Variants in TNS1 observed in about 807,000 individuals in gnomAD.
TNS1 encodes tensin 1.
In TNS1, 62 loss-of-function variants were observed where a neutral mutation model predicts 168.6. The observed-to-expected ratio is 0.37, with a 90% CI of 0.30 to 0.45. TNS1 has a LOEUF of 0.45. Ranked by LOEUF, TNS1 falls within the 20% of genes least tolerant of loss-of-function variation. TNS1 has a pLI of 1.00. For missense variants in TNS1, 2,240 were observed against 2,339.4 expected, an observed-to-expected ratio of 0.96 and a Z score of 0.88; for synonymous variants, 934 against 933.2, an observed-to-expected ratio of 1.00 and a Z score of -0.02.
At chr2:217,977,717 C>T (rs2126045338) in intron 3 of TNS1, among the ~76,000 whole-genome samples, 1 of 152,344 alleles carries the variant, frequency 6.6e-6, no homozygotes. Context: ...AGGTACATAA[C>T]TTGCCCAAGG....
intron 1 of TNS1, among the ~76,000 whole-genome samples, chr2:217,996,896 G>A (rs1412080471): frequency 6.6e-6 from 1 of 152,066 alleles, no homozygotes; most frequent in Non-Finnish European, 1.5e-5. Flanking sequence ...GAGCCAGCAG[G>A]AGAAGAAGTA....
chr2:218,023,699 G>A (rs889504517), intron 1 of TNS1, among the ~76,000 whole-genome samples: 1 of 152,188 alleles, frequency 6.6e-6, no homozygotes, highest in African/African-American at 2.4e-5. Context: ...TTCCAGATGA[G>A]GAAACGGAGG....
intron 1 of TNS1, among the ~76,000 whole-genome samples, chr2:218,031,272 T>C (rs1958895152): frequency 7.1e-6 from 1 of 140,264 alleles, no homozygotes; most frequent in African/African-American, 3.0e-5. Context: ...GTGTGTTGTG[T>C]GTGAGCGTGT....
chr2:218,013,916 C>T (rs1011101826), upstream of TNS1, among the ~76,000 whole-genome samples: 1 of 152,156 alleles, frequency 6.6e-6, no homozygotes, highest in Non-Finnish European at 1.5e-5. Flanking sequence ...CTTCTCTGGG[C>T]CCTTCTCCCC....
At chr2:217,827,692 C>G (rs1412353000) in intron 22 of TNS1, among the ~76,000 whole-genome samples, 1 of 152,220 alleles carries the variant, frequency 6.6e-6, no homozygotes, top group Non-Finnish European at 1.5e-5. Flanking sequence ...CAACACCACC[C>G]ACAGTGCTGA....
chr2:217,885,146 T>C lies in TNS1; in HGVS notation c.1135A>G (p.Lys379Glu). The C allele has an allele frequency of 6.2e-7, 1 of 1,614,200 alleles. No homozygotes were observed. Among genetic ancestry groups the C allele is most frequent in the South Asian group, 1.1e-5 (1 of 91,084 alleles). The change falls in exon 16 of 33, where the codon AAG becomes GAG. Residue 379 changes from lysine to glutamate, a missense_variant. Lys to Glu is a moderately conservative substitution (Grantham distance 56, BLOSUM62 1). Coordinates refer to ENST00000682258, the MANE Select transcript of TNS1 (RefSeq NM_001387777.1). ...GDILLKCYHK[K>E]FRSPARDVIF... ...ACGTCTCGGGCTGGGCTTCGGAACT[T>C]CTTGTGGTAGCACTTCAGCTGGGTG...
chr2:217,801,169 A>G lies in TNS1; in HGVS notation c.*3290T>C, dbSNP rs1937430229. On this transcript the variant is annotated 3_prime_UTR_variant, in exon 33 of 33. Transcript: ENST00000682258. ...CTTTCCCAAACTTAGGATGTGATGTATCTGTCCCTTAAGCGCCTGGCTAAA... is the reference window on the plus strand; with the variant it reads ...CTTTCCCAAACTTAGGATGTGATGTGTCTGTCCCTTAAGCGCCTGGCTAAA... The G allele has an allele frequency of 6.6e-6, 1 of 152,234 alleles. No homozygotes were observed. Among genetic ancestry groups the G allele is most frequent in the Admixed American group, 6.5e-5 (1 of 15,278 alleles). The allele number at this position is 152,234 out of a possible 1,614,324, so 9.4% of individuals were successfully genotyped here. A position where few individuals can be genotyped will look rare whatever the true frequency, so the allele number is the denominator to read the frequency against.
chr2:217,903,452 C>G (rs1185323904), intron 6 of TNS1: 1 of 1,134,602 alleles, frequency 8.8e-7, no homozygotes. Context: ...CTCTGCCTGC[C>G]TGTAATCCTA....
intron 3 of TNS1, among the ~76,000 whole-genome samples, chr2:217,973,583 C>T (rs188720819): frequency 2.3e-4 from 35 of 152,220 alleles, no homozygotes; most frequent in African/African-American, 8.4e-4. Context: ...CCCCTCTCTC[C>T]AGTGTCTGAT....
At chr2:217,841,178 G>A (rs1945898873) in intron 19 of TNS1, 1 of 977,396 alleles carries the variant, frequency 1.0e-6, no homozygotes, top group Non-Finnish European at 1.2e-6. Flanking sequence ...AAAGGGAGAA[G>A]GGGGAAGGAG....
intron 18 of TNS1, among the ~76,000 whole-genome samples, chr2:217,874,954 G>A (rs542242334): frequency 6.6e-6 from 1 of 152,280 alleles, no homozygotes; most frequent in Admixed American, 6.5e-5. Flanking sequence ...CCTAGAGATT[G>A]GTCTGTTCAA....
intron 4 of TNS1, among the ~76,000 whole-genome samples, chr2:217,917,121 C>T (rs1306911098): frequency 6.6e-6 from 1 of 152,214 alleles, no homozygotes; most frequent in African/African-American, 2.4e-5. Flanking sequence ...TCCCACTCCC[C>T]AGGGACAGTA....
intron 11 of TNS1, 82 bp from the exon 12 acceptor site, chr2:217,891,127 C>T: frequency 7.3e-7 from 1 of 1,364,706 alleles, no homozygotes; most frequent in Non-Finnish European, 1.0e-6. Context: ...CTCCCTCAGA[C>T]CTGCAGAGCA....
intron 22 of TNS1, among the ~76,000 whole-genome samples, chr2:217,827,445 C>T (rs1299031857): frequency 6.6e-6 from 1 of 152,180 alleles, no homozygotes; most frequent in Non-Finnish European, 1.5e-5. Flanking sequence ...CTGACCCGGG[C>T]AGTGGCACAT....
At chr2:217,973,156 C>T (rs758813502) in intron 3 of TNS1, among the ~76,000 whole-genome samples, 1 of 151,836 alleles carries the variant, frequency 6.6e-6, no homozygotes, top group Non-Finnish European at 1.5e-5. Context: ...GAGTTCAAGA[C>T]CAGCCTGAGC....
chr2:217,847,221 C>G (rs1287457597), intron 19 of TNS1, among the ~76,000 whole-genome samples: 1 of 152,230 alleles, frequency 6.6e-6, no homozygotes, highest in African/African-American at 2.4e-5. Context: ...TCACCGTACA[C>G]ATTACTCTCT....
At chr2:217,833,362 T>C (rs1944721130) in intron 21 of TNS1, among the ~76,000 whole-genome samples, 1 of 152,244 alleles carries the variant, frequency 6.6e-6, no homozygotes, top group Non-Finnish European at 1.5e-5. Context: ...GCCAGGCAAG[T>C]CTTTTGCTTC....
intron 18 of TNS1, among the ~76,000 whole-genome samples, chr2:217,851,618 G>A (rs561586433): frequency 1.5e-3 from 233 of 152,254 alleles, no homozygotes; most frequent in African/African-American, 5.3e-3. Context: ...CAGGGCCCAG[G>A]GCCCAGGGCT....
Position 217,804,361 on chromosome 2 carries a change from CA to C in TNS1, c.*97del. On this transcript the variant is annotated 3_prime_UTR_variant, in exon 33 of 33. Transcript: ENST00000682258. ...TTTCTTCTCTCCTCCGAAATTGGCC[CA>C]AAGTCCTCCTTCTGGGTTCAAGAGT... The C allele has an allele frequency of 6.6e-7, 1 of 1,519,142 alleles. No homozygotes were observed. Among genetic ancestry groups the C allele is most frequent in the Non-Finnish European group, 8.9e-7 (1 of 1,124,900 alleles). 94.1% of individuals were successfully genotyped at this position (1,519,142 alleles called of 1,614,324 possible).
Sources: allele counts gnomAD v4.1 joint callset (sites outside exome capture counted in the v4.1 genomes callset), GRCh38; gene constraint gnomAD v4.1.1; transcripts MANE v1.5; gene names NCBI Gene and HGNC (gene_info 2026-07-23, HGNC 2026-07-21).